The following COQ8A variants were observed in gnomAD, a reference collection of about 807,000 sequenced individuals.
COQ8A encodes coenzyme Q8A, also known as atypical kinase COQ8A, mitochondrial.
A neutral mutation model predicts 65.0 loss-of-function variants in COQ8A; 51 were observed. The observed-to-expected ratio is 0.78, with a 90% CI of 0.63 to 0.99. COQ8A has a LOEUF of 0.99. Among genes scored for constraint, COQ8A ranks in the 50% least tolerant of loss-of-function variants. The pLI, the probability that COQ8A is intolerant of heterozygous loss-of-function variation, is 0.00. For synonymous variants in COQ8A, 371 were observed against 353.2 expected, an observed-to-expected ratio of 1.05 and a Z score of -0.57; for missense variants, 940 against 875.0, an observed-to-expected ratio of 1.07 and a Z score of -0.94.
chr1:226,983,858 T>C lies in COQ8A; in HGVS notation c.1256+4T>C, dbSNP rs1368404952. ...CCGCCTGTGCCCGCAAGTTCAGGTGTGGCCCCCGGCCGGGCCCCTTGCGTG... is the reference window on the plus strand; with the variant it reads ...CCGCCTGTGCCCGCAAGTTCAGGTGCGGCCCCCGGCCGGGCCCCTTGCGTG... On this transcript the variant is annotated splice_donor_region_variant and intron_variant, in intron 10 of 14. Transcript: ENST00000366777. 6.2e-7 allele frequency: 1 copy of C among 1,606,146 alleles called. No individual in the cohort carries two copies. Among genetic ancestry groups the C allele is most frequent in the East Asian group, 2.2e-5 (1 of 44,806 alleles).
At chr1:226,970,114 G>A (rs146372423) in intron 4 of COQ8A, among the ~76,000 whole-genome samples, 137 of 152,218 alleles carry the variant, frequency 9.0e-4, no homozygotes, top group East Asian at 6.2e-3. Flanking sequence ...TGCCATGCCC[G>A]GCTAATTTTT....
chr1:226,941,617 A>T (rs936442831), intron 1 of COQ8A, among the ~76,000 whole-genome samples: 4 of 151,972 alleles, frequency 2.6e-5, no homozygotes, highest in African/African-American at 7.2e-5. Flanking sequence ...AAAAAAAAAA[A>T]TACGAAAATT....
At chr1:226,976,302 G>C (rs1205853054) in intron 4 of COQ8A, among the ~76,000 whole-genome samples, 62 of 151,216 alleles carry the variant, frequency 4.1e-4, no homozygotes, top group Non-Finnish European at 7.2e-4. Context: ...CTGCGGGGCT[G>C]TGGGACTGCG....
intron 1 of COQ8A, among the ~76,000 whole-genome samples, chr1:226,960,373 G>GTGCTTGGTGGTGGTGA (rs1658126353): frequency 1.1e-5 from 1 of 92,426 alleles, no homozygotes; most frequent in East Asian, 3.5e-4. Context: ...GGTGGTGGTG[G>GTGCTTGGTGGTGGTGA]TGGTACTTGG....
At chr1:226,975,737 C>T (rs940318684) in intron 4 of COQ8A, among the ~76,000 whole-genome samples, 6 of 152,222 alleles carry the variant, frequency 3.9e-5, no homozygotes, top group Non-Finnish European at 7.3e-5. Flanking sequence ...GAGTGCTCTA[C>T]TCACGCCCGC....
chr1:226,985,481 G>T (rs1660045601), intron 14 of COQ8A, 141 bp downstream of exon 14: 2 of 924,896 alleles, frequency 2.2e-6, no homozygotes, highest in South Asian at 2.7e-5. Context: ...TCTGAAAGCT[G>T]GGGCCCACCC....
chr1:226,978,790 C>T lies in COQ8A; in HGVS notation c.730+1267C>T, dbSNP rs1348289580. 6.8e-4 allele frequency among the ~76,000 whole-genome samples: 73 copies of T among 108,048 alleles called. 3 individuals are homozygous for T. The highest frequency in any genetic ancestry group is 1.9e-3 in the African/African-American group (68 of 34,946). 70.9% of individuals were successfully genotyped at this position (108,048 alleles called of 152,430 possible). ...CGCATACCTCCGTACACACCCACCT[C>T]TCACCCGCACAGCTCCTTACACACC... is the stretch of plus-strand genomic sequence containing the variant. On this transcript the variant is annotated intron_variant, in intron 5 of 14. Coordinates refer to ENST00000366777, the MANE Select transcript of COQ8A (RefSeq NM_020247.5).
Position 226,982,974 on chromosome 1 carries a change from CATTGGGCAGGT to C in COQ8A, c.1021_1031del (p.Ile341AlafsTer27). The stretch of plus-strand genomic sequence containing the variant: ...AGGAGCGGCCCTTCGCCGCCGCATC[CATTGGGCAGGT>C]GCACTTGGCCCGAATGAAGGGCGGC... On this transcript the variant is annotated frameshift_variant, in exon 8 of 15. Transcript: ENST00000366777. LOFTEE classifies it high-confidence loss of function. 1 of 1,603,886 alleles carries C rather than the reference CATTGGGCAGGT, an allele frequency of 6.2e-7. No individual in the cohort carries two copies. Among genetic ancestry groups the C allele is most frequent in the Non-Finnish European group, 8.5e-7 (1 of 1,175,794 alleles).
rs1385309138 is a variant in COQ8A, at chr1:226,982,055, T to C, written c.759T>C (p.Pro253=). The C allele has an allele frequency of 6.2e-7, 1 of 1,612,944 alleles. No homozygotes were observed. Among genetic ancestry groups the C allele is most frequent in the South Asian group, 1.1e-5 (1 of 91,084 alleles). The change falls in exon 6 of 15, where the codon CCT becomes CCC. Residue 253 remains proline, a synonymous_variant. Coordinates refer to ENST00000366777, the MANE Select transcript of COQ8A (RefSeq NM_020247.5). ...SGKKAVLGSS[P]FLSEANAERI... The stretch of plus-strand genomic sequence containing the variant: ...AGAAGGCCGTGCTGGGTTCCAGTCC[T>C]TTCCTGTCCGAGGCCAATGCAGAGC...
chr1:226,979,482 T>C (rs969987166), intron 5 of COQ8A, among the ~76,000 whole-genome samples: 1 of 152,150 alleles, frequency 6.6e-6, no homozygotes, highest in Non-Finnish European at 1.5e-5. Flanking sequence ...TGGATCTTCC[T>C]CAATGCCTCT....
intron 1 of COQ8A, among the ~76,000 whole-genome samples, chr1:226,958,898 G>T (rs1007150325): frequency 6.6e-6 from 1 of 152,178 alleles, no homozygotes; most frequent in Non-Finnish European, 1.5e-5. Flanking sequence ...GGAGACTGGT[G>T]TTCCTAGCGA....
chr1:226,977,311 T>C (rs970503025), intron 4 of COQ8A, 138 bp from the exon 5 acceptor site: 2 of 742,262 alleles, frequency 2.7e-6, no homozygotes, highest in African/African-American at 1.8e-5. Flanking sequence ...GTTCCCCACT[T>C]TTCAAAATGC....
intron 1 of COQ8A, among the ~76,000 whole-genome samples, chr1:226,951,273 T>G (rs1657362198): frequency 6.6e-6 from 1 of 152,086 alleles, no homozygotes; most frequent in South Asian, 2.1e-4. Context: ...GTGGATGATT[T>G]TATATCAGCC....
chr1:226,977,498 G>T lies in COQ8A; in HGVS notation c.705G>T (p.Lys235Asn), dbSNP rs746456290. Reference protein sequence around the residue: ...GFGALAEVAKKSLRSEDPSGK... With the variant: ...GFGALAEVAKNSLRSEDPSGK... The stretch of plus-strand genomic sequence containing the variant: ...GGGCACTGGCAGAGGTCGCCAAGAA[G>T]AGCCTGCGCTCCGAGGACCCCTCAG... Residue 235 changes from lysine to asparagine, a missense_variant, in exon 5 of 15, where the codon AAG becomes AAT. Transcript: ENST00000366777. The T allele has an allele frequency of 1.3e-6, 2 of 1,566,454 alleles. No individual in the cohort carries two copies. Among genetic ancestry groups the T allele is most frequent in the African/African-American group, 2.7e-5 (2 of 74,308 alleles).
chr1:226,979,380 G>A (rs566378521), intron 5 of COQ8A, among the ~76,000 whole-genome samples: 12 of 152,330 alleles, frequency 7.9e-5, no homozygotes, highest in African/African-American at 2.4e-4. Flanking sequence ...CACGGGGGGC[G>A]GGCCAGGTAG....
chr1:226,965,053 G>A lies in COQ8A; in HGVS notation c.231G>A (p.Gly77=), dbSNP rs201037948. Residue 77 remains glycine, a synonymous_variant, in exon 3 of 15, where the codon GGG becomes GGA. Transcript: ENST00000366777. The part of the protein sequence containing the change: ...YFAENFGGPE[G]EFHFSVPHAA... The stretch of plus-strand genomic sequence containing the variant: ...CTGAGAACTTCGGCGGCCCAGAAGG[G>A]GAGTTCCACTTCTCAGTCCCGCATG... The A allele has an allele frequency of 1.9e-6, 3 of 1,614,030 alleles. No individual in the cohort carries two copies. The Admixed American group carries it at 5.0e-5, about 27-fold the overall frequency.
intron 1 of COQ8A, among the ~76,000 whole-genome samples, chr1:226,942,456 G>A (rs951204104): frequency 7.2e-5 from 11 of 152,044 alleles, no homozygotes; most frequent in Admixed American, 5.9e-4. Context: ...GTAGCTTCTC[G>A]GGGATACTGC....
chr1:226,964,176 C>G (rs879443863), intron 2 of COQ8A, among the ~76,000 whole-genome samples: 5 of 152,190 alleles, frequency 3.3e-5, no homozygotes, highest in Admixed American at 6.5e-5. Context: ...GCCGAGAATC[C>G]AGGCCACTGG....
chr1:226,981,987 C>A (rs368064555), intron 5 of COQ8A, 40 bp from the exon 6 acceptor site: 1 of 1,612,624 alleles, frequency 6.2e-7, no homozygotes, highest in Non-Finnish European at 8.5e-7. Context: ...ACTCCCAGAC[C>A]CCCCCGAGTG....
Sources: allele counts gnomAD v4.1 joint callset (sites outside exome capture counted in the v4.1 genomes callset), GRCh38; gene constraint gnomAD v4.1.1; transcripts MANE v1.5; gene names NCBI Gene and HGNC (gene_info 2026-07-23, HGNC 2026-07-21).